The following SLC25A26 variants were observed in gnomAD, a reference collection of about 807,000 sequenced individuals.
SLC25A26 encodes the protein solute carrier family 25 member 26.
Under a neutral mutation model 37.8 loss-of-function variants are expected in SLC25A26, and 36 were observed. The observed-to-expected ratio is 0.95, with a 90% CI of 0.73 to 1.26. SLC25A26 has a LOEUF of 1.26. Ranked by LOEUF, SLC25A26 falls within the 50% of genes most tolerant of loss-of-function variation. The pLI, the probability that SLC25A26 is intolerant of heterozygous loss-of-function variation, is 0.00. For synonymous variants in SLC25A26, 129 were observed against 122.5 expected (o/e 1.05, Z -0.35); for missense variants, 390 against 331.1 (o/e 1.18, Z -1.38).
At chr3:66,213,399 C>CA (rs1169648803) in intron 1 of SLC25A26, among the ~76,000 whole-genome samples, 857 of 28,824 alleles carry the variant, frequency 0.03, 183 homozygotes, top group Middle Eastern at 0.056. Context: ...GACTCTGTCT[C>CA]AAAAAAAAAA....
chr3:66,171,267 T>A lies in SLC25A26; in HGVS notation c.-354+37283T>A, dbSNP rs538998483. On this transcript the variant is annotated intron_variant, in intron 1 of 10. Coordinates refer to the SLC25A26 transcript ENST00000676754. ...TGGAATGCAATGTTTTTGTAAAAAA[T>A]TTCTCTTAGTCCTTGGTAACAGTGA... Among the ~76,000 whole-genome samples the A allele has an allele frequency of 5.3e-5, 8 of 152,228 alleles. No individual in the cohort carries two copies. In the South Asian group the frequency reaches 1.5e-3, roughly 28 times the overall value.
intron 1 of SLC25A26, among the ~76,000 whole-genome samples, chr3:66,165,005 T>C (rs1345685355): frequency 6.6e-6 from 1 of 152,140 alleles, no homozygotes; most frequent in Non-Finnish European, 1.5e-5. Flanking sequence ...TTGAATCAGG[T>C]TGGTTTCTTG....
At chr3:66,292,459 T>C (rs1409623669) in intron 5 of SLC25A26, among the ~76,000 whole-genome samples, 2 of 152,224 alleles carry the variant, frequency 1.3e-5, no homozygotes, top group African/African-American at 4.8e-5. Flanking sequence ...CCATATTTAG[T>C]GCTTCCTTCA....
chr3:66,277,894 C>T (rs1216004719), intron 5 of SLC25A26, among the ~76,000 whole-genome samples: 4 of 151,856 alleles, frequency 2.6e-5, no homozygotes, highest in Non-Finnish European at 2.9e-5. Flanking sequence ...TCACACAAAC[C>T]GAGATTGAGA....
At chr3:66,365,869 G>A (rs577691086) in intron 7 of SLC25A26, among the ~76,000 whole-genome samples, 1 of 152,288 alleles carries the variant, frequency 6.6e-6, no homozygotes, top group East Asian at 1.9e-4. Flanking sequence ...GGCAACGTAG[G>A]GTCTGGAGGA....
chr3:66,327,874 A>C (rs1433155157), intron 5 of SLC25A26, among the ~76,000 whole-genome samples: 1 of 142,836 alleles, frequency 7.0e-6, no homozygotes, highest in Non-Finnish European at 1.5e-5. Context: ...CTTTATTATT[A>C]CAAGTAGGGG....
At chr3:66,202,935 A>G (rs1194031951) in intron 1 of SLC25A26, among the ~76,000 whole-genome samples, 2 of 152,212 alleles carry the variant, frequency 1.3e-5, no homozygotes, top group African/African-American at 4.8e-5. Flanking sequence ...AAAACGTAAA[A>G]TTATACATGT....
At chr3:66,246,962 C>T (rs1435057282) in intron 3 of SLC25A26, among the ~76,000 whole-genome samples, 4 of 152,046 alleles carry the variant, frequency 2.6e-5, no homozygotes, top group African/African-American at 4.8e-5. Context: ...CCCAGGTTCA[C>T]GCCATTCTCT....
At chr3:66,210,911 G>T (rs1363833620) in intron 1 of SLC25A26, among the ~76,000 whole-genome samples, 3 of 152,196 alleles carry the variant, frequency 2.0e-5, no homozygotes, top group African/African-American at 7.2e-5. Context: ...ACAGTCAGGG[G>T]CCAGATCACT....
chr3:66,266,098 A>G (rs1241136879), intron 5 of SLC25A26, among the ~76,000 whole-genome samples: 1 of 152,208 alleles, frequency 6.6e-6, no homozygotes, highest in Non-Finnish European at 1.5e-5. Flanking sequence ...CACTGAGATG[A>G]CTTTGTTTAC....
At chr3:66,267,751 G>C (rs2073809742) in intron 5 of SLC25A26, among the ~76,000 whole-genome samples, 2 of 152,210 alleles carry the variant, frequency 1.3e-5, no homozygotes, top group African/African-American at 4.8e-5. Flanking sequence ...TGTTCAGTAA[G>C]TTCATTGAAG....
At chr3:66,343,814 T>C (rs2076261107) in intron 5 of SLC25A26, among the ~76,000 whole-genome samples, 1 of 152,248 alleles carries the variant, frequency 6.6e-6, no homozygotes, top group African/African-American at 2.4e-5. Flanking sequence ...TTTAAAACAT[T>C]TAGAAAAGCT....
At chr3:66,209,562 T>C (rs2071246019) in intron 1 of SLC25A26, among the ~76,000 whole-genome samples, 1 of 142,060 alleles carries the variant, frequency 7.0e-6, no homozygotes, top group African/African-American at 2.5e-5. Flanking sequence ...ATATATACCT[T>C]TTATATACGT....
At chr3:66,348,075 C>T (rs2076367973) in intron 6 of SLC25A26, among the ~76,000 whole-genome samples, 1 of 152,156 alleles carries the variant, frequency 6.6e-6, no homozygotes, top group Admixed American at 6.5e-5. Flanking sequence ...CACCATGGGT[C>T]ACATTTACCT....
chr3:66,290,367 G>T (rs1395767619), intron 5 of SLC25A26, among the ~76,000 whole-genome samples: 1 of 152,190 alleles, frequency 6.6e-6, no homozygotes, highest in Non-Finnish European at 1.5e-5. Flanking sequence ...TAGGAGTGGT[G>T]AGAGAGGGCA....
chr3:66,258,164 G>A (rs149562142), intron 3 of SLC25A26, among the ~76,000 whole-genome samples: 13 of 152,242 alleles, frequency 8.5e-5, no homozygotes, highest in African/African-American at 2.9e-4. Flanking sequence ...CCTAACAAGG[G>A]GTGGCCATGT....
chr3:66,371,935 AAATAAAT>A (rs1700365972), intron 9 of SLC25A26, among the ~76,000 whole-genome samples: 1 of 152,114 alleles, frequency 6.6e-6, no homozygotes. Context: ...TGTCTCTAAA[AAATAAAT>A]AAATAAATTA....
At chr3:66,327,816 G>A (rs750135564) in intron 5 of SLC25A26, among the ~76,000 whole-genome samples, 19 of 151,458 alleles carry the variant, frequency 1.3e-4, no homozygotes, top group Non-Finnish European at 2.7e-4. Context: ...TCTTAGGACA[G>A]ATCTGTTTTT....
At chr3:66,236,363 A>G (rs1165710218) in intron 1 of SLC25A26, 181 bp from the exon 2 acceptor site, 2 of 158,652 alleles carry the variant, frequency 1.3e-5, no homozygotes, top group Non-Finnish European at 2.7e-5. Flanking sequence ...AATAATGGCT[A>G]TTTTCCCAGG....
Sources: allele counts gnomAD v4.1 joint callset (sites outside exome capture counted in the v4.1 genomes callset), GRCh38; gene constraint gnomAD v4.1.1; transcripts MANE v1.5; gene names NCBI Gene and HGNC (gene_info 2026-07-23, HGNC 2026-07-21).